Variants in PTPN5 observed in about 807,000 individuals in gnomAD.
PTPN5 encodes the protein protein tyrosine phosphatase non-receptor type 5, also known as tyrosine-protein phosphatase non-receptor type 5.
In PTPN5, 29 loss-of-function variants were observed where a neutral mutation model predicts 73.9. The ratio of observed to expected loss-of-function variants is 0.39; its 90% CI spans 0.29 to 0.54. The LOEUF (loss-of-function observed/expected upper bound fraction) is 0.54. PTPN5 is among the 20% of genes least tolerant of loss of function. The pLI is 0.65. For synonymous variants in PTPN5, 267 were observed against 304.7 expected (o/e 0.88, Z 1.29); for missense variants, 652 against 751.4 (o/e 0.87, Z 1.55).
intron 3 of PTPN5, 95 bp from the exon 4 acceptor site, chr11:18,744,294 T>C (rs1849517813): frequency 8.9e-7 from 1 of 1,128,526 alleles, no homozygotes; most frequent in Non-Finnish European, 1.2e-6. Flanking sequence ...TGCCTCTCAA[T>C]CTGGGATCAG....
intron 3 of PTPN5, among the ~76,000 whole-genome samples, chr11:18,757,666 C>T (rs1035859621): frequency 3.9e-5 from 6 of 152,110 alleles, no homozygotes; most frequent in African/African-American, 1.4e-4. Context: ...CTGGGGTACC[C>T]ATCTACCCAA....
chr11:18,740,576 T>A, intron 8 of PTPN5, 27 bp downstream of exon 8: 1 of 1,512,650 alleles, frequency 6.6e-7, no homozygotes, highest in Middle Eastern at 1.8e-4. Context: ...CTGCACACAG[T>A]GGGGCGACCG....
intron 7 of PTPN5, among the ~76,000 whole-genome samples, chr11:18,740,996 C>A (rs1849341137): frequency 1.3e-5 from 2 of 152,138 alleles, no homozygotes; most frequent in African/African-American, 4.8e-5. Context: ...TCCCTATCTC[C>A]TGCCTCCTGC....
At chr11:18,738,032 T>G (rs1849194855) in intron 8 of PTPN5, 68 bp from the exon 9 acceptor site, 1 of 1,316,964 alleles carries the variant, frequency 7.6e-7, no homozygotes, top group African/African-American at 1.4e-5. Flanking sequence ...CAGGGGCTGC[T>G]GTGCCCCCAA....
At chr11:18,789,773 A>G (rs751672333) in intron 1 of PTPN5, among the ~76,000 whole-genome samples, 35 of 152,148 alleles carry the variant, frequency 2.3e-4, no homozygotes, top group Non-Finnish European at 4.4e-4. Context: ...GAATGACACA[A>G]TGGACTTTGG....
At chr11:18,783,048 T>C (rs1278383136) in intron 1 of PTPN5, among the ~76,000 whole-genome samples, 1 of 152,208 alleles carries the variant, frequency 6.6e-6, no homozygotes, top group Non-Finnish European at 1.5e-5. Flanking sequence ...GGTGGATATA[T>C]GATTTTCACT....
Position 18,742,972 on chromosome 11 carries a change from G to A in PTPN5, c.483+20C>T. On this transcript the variant is annotated intron_variant, in intron 6 of 14. Coordinates refer to ENST00000358540, the MANE Select transcript of PTPN5 (RefSeq NM_006906.2). This position sits in a 1 kb window ranked among gnomAD's most constrained non-coding sequence, Gnocchi z 4.1. ...GTCAGAGGAGGACAGCCTTGAGGTT[G>A]GGGTCAGGAGGCGCCTTACCAGGGT... The A allele has an allele frequency of 6.7e-7, 1 of 1,497,564 alleles. No homozygotes were observed. Among genetic ancestry groups the A allele is most frequent in the Non-Finnish European group, 9.1e-7 (1 of 1,097,718 alleles). 92.8% of individuals were successfully genotyped at this position (1,497,564 alleles called of 1,614,324 possible). A position where few individuals can be genotyped will look rare whatever the true frequency, so the allele number is the denominator to read the frequency against.
chr11:18,754,457 G>A (rs1850036957), intron 3 of PTPN5, among the ~76,000 whole-genome samples: 2 of 152,156 alleles, frequency 1.3e-5, no homozygotes, highest in African/African-American at 4.8e-5. Flanking sequence ...TTTCTACAGG[G>A]AGAGGGGAAT....
At chr11:18,749,575 G>A in intron 3 of PTPN5, 1 of 509,122 alleles carries the variant, frequency 2.0e-6, no homozygotes, top group Admixed American at 2.0e-5. Context: ...AAGCCTCAAA[G>A]TATACATGTA....
At chr11:18,738,520 C>T (rs938672268) in intron 8 of PTPN5, among the ~76,000 whole-genome samples, 1 of 152,210 alleles carries the variant, frequency 6.6e-6, no homozygotes, top group Non-Finnish European at 1.5e-5. Context: ...GTGAGGGCTT[C>T]TTGAATCTGG....
chr11:18,737,548 T>C (rs1249467012), intron 9 of PTPN5, among the ~76,000 whole-genome samples: 1 of 152,206 alleles, frequency 6.6e-6, no homozygotes, highest in Non-Finnish European at 1.5e-5. Context: ...CTTCCTTTCC[T>C]TAAAATCTGC....
At chr11:18,750,816 A>G (rs1052953386) in intron 3 of PTPN5, among the ~76,000 whole-genome samples, 4 of 152,136 alleles carry the variant, frequency 2.6e-5, no homozygotes, top group African/African-American at 7.2e-5. Flanking sequence ...AGAGAGGTTA[A>G]GTGACTGGCC....
At chr11:18,769,010 C>T (rs951608979) in intron 2 of PTPN5, among the ~76,000 whole-genome samples, 1 of 152,192 alleles carries the variant, frequency 6.6e-6, no homozygotes, top group African/African-American at 2.4e-5. Flanking sequence ...TGGGCTGCCC[C>T]CACCACTGCT....
At position 18,729,024 on chromosome 11, in the gene PTPN5, G is replaced by A. The variant is rs758232530; in HGVS notation, c.1608C>T (p.Gly536=). Residue 536 remains glycine, a synonymous_variant, in exon 15 of 15, where the codon GGC becomes GGT. Transcript: ENST00000358540. This position sits in a 1 kb window ranked among gnomAD's most constrained non-coding sequence, Gnocchi z 5.2. ...ACTGCTCGCATGTCTGGATCATGCCGCCCCTGCCCGGCAGAGATGCACAGT... is the reference window on the plus strand; with the variant it reads ...ACTGCTCGCATGTCTGGATCATGCCACCCCTGCCCGGCAGAGATGCACAGT... ...KTTCQLRQDR[G]GMIQTCEQYQ... The A allele has an allele frequency of 4.3e-6, 7 of 1,613,524 alleles. No individual in the cohort carries two copies. Among genetic ancestry groups the A allele is most frequent in the Admixed American group, 1.7e-5 (1 of 59,924 alleles).
At chr11:18,743,452 G>T in intron 4 of PTPN5, 23 bp from the exon 5 acceptor site, 1 of 1,603,108 alleles carries the variant, frequency 6.2e-7, no homozygotes, top group African/African-American at 1.3e-5. Flanking sequence ...GGAGCAGGCT[G>T]AGTATGGAGC....
At position 18,742,604 on chromosome 11, in the gene PTPN5, G is replaced by T; in HGVS notation, c.484-101C>A. Reference sequence around the variant, plus strand: ...TGACGCCCCCCCACTCCCTCAGTGTGTCTAGAGCAGCTCTGCTCTCCTGGG... The same window carrying T: ...TGACGCCCCCCCACTCCCTCAGTGTTTCTAGAGCAGCTCTGCTCTCCTGGG... On this transcript the variant is annotated intron_variant, in intron 6 of 14. Coordinates refer to ENST00000358540, the MANE Select transcript of PTPN5 (RefSeq NM_006906.2). This position sits in a 1 kb window ranked among gnomAD's most constrained non-coding sequence, Gnocchi z 4.1. 6.6e-7 allele frequency: 1 copy of T among 1,505,906 alleles called. No individual in the cohort carries two copies. 93.3% of individuals were successfully genotyped at this position (1,505,906 alleles called of 1,614,324 possible).
intron 3 of PTPN5, among the ~76,000 whole-genome samples, chr11:18,758,802 T>C (rs2134276500): frequency 6.6e-6 from 1 of 152,258 alleles, no homozygotes; most frequent in South Asian, 2.1e-4. Context: ...GGATGTCCAT[T>C]TGTCTAAAAG....
intron 1 of PTPN5, among the ~76,000 whole-genome samples, chr11:18,787,938 G>A (rs374635602): frequency 2.6e-5 from 4 of 152,260 alleles, no homozygotes; most frequent in African/African-American, 9.6e-5. Context: ...ATAGTTTAGG[G>A]TGCTTGATGA....
At position 18,729,337 on chromosome 11, in the gene PTPN5, G is replaced by A. The variant is rs1021353186; in HGVS notation, c.1604+116C>T. 3.6e-5 allele frequency: 24 copies of A among 661,248 alleles called. No homozygotes were observed. The East Asian group carries it at 4.3e-4, about 12-fold the overall frequency. The allele number at this position is 661,248 out of a possible 1,614,324, so 41.0% of individuals were successfully genotyped here. On this transcript the variant is annotated intron_variant, in intron 14 of 14. Coordinates refer to ENST00000358540, the MANE Select transcript of PTPN5 (RefSeq NM_006906.2). This position sits in a 1 kb window ranked among gnomAD's most constrained non-coding sequence, Gnocchi z 5.2. ...CTACTCCTTGTCTGCCCATCAGTCC[G>A]TGCCAGTGTTTTCCATCTGCCCCTC...
Sources: gnomAD v4.1 joint callset for allele counts (sites outside exome capture counted in the v4.1 genomes callset) on GRCh38, gnomAD v4.1.1 for gene constraint, Gnocchi (gnomAD v3.1) non-coding constraint, MANE v1.5 for transcripts, NCBI Gene and HGNC (gene_info 2026-07-23, HGNC 2026-07-21) for gene names.